The following SIX1 variants were observed in gnomAD, a reference collection of about 807,000 sequenced individuals.
The protein encoded by SIX1 is homeobox protein SIX1.
Under a neutral mutation model 26.5 loss-of-function variants are expected in SIX1, and 11 were observed. The observed-to-expected ratio is 0.41, with a 90% confidence interval of 0.26 to 0.69. The LOEUF (loss-of-function observed/expected upper bound fraction) is 0.69, where lower values mean the gene tolerates loss of function less well. Among genes scored for constraint, SIX1 ranks in the 30% least tolerant of loss-of-function variants. The pLI is 0.28. For missense variants in SIX1, 333 were observed against 365.9 expected (o/e 0.91, Z 0.73); for synonymous variants, 177 against 166.2 (o/e 1.06, Z -0.50).
chr14:60,646,603 TGG>T, intron 1 of SIX1, 26 bp from the exon 2 acceptor site: 1 of 1,225,972 alleles, frequency 8.2e-7, no homozygotes, highest in Non-Finnish European at 1.1e-6. Flanking sequence ...CAACACCATA[TGG>T]TTAAAAAAAA....
At position 60,648,556 on chromosome 14, in the gene SIX1, C is replaced by T; in HGVS notation, c.560+74G>A. On this transcript the variant is annotated intron_variant, in intron 1 of 1. Coordinates refer to ENST00000645694, the MANE Select transcript of SIX1 (RefSeq NM_005982.4). The surrounding 1 kb of genome is among the most constrained non-coding windows in gnomAD (Gnocchi z 7.9). Reference sequence around the variant, plus strand: ...GGGAGGACTTGGTGGCTGGTGCCTGCGGGGGCGGGAGGGGGCGGAGGAGAA... The same window carrying T: ...GGGAGGACTTGGTGGCTGGTGCCTGTGGGGGCGGGAGGGGGCGGAGGAGAA... 1.4e-6 allele frequency: 2 copies of T among 1,452,390 alleles called. No individual in the cohort carries two copies. Among genetic ancestry groups the T allele is most frequent in the African/African-American group, 1.4e-5 (1 of 71,370 alleles). The allele number at this position is 1,452,390 out of a possible 1,614,324, so 90.0% of individuals were successfully genotyped here. A position where few individuals can be genotyped will look rare whatever the true frequency, so the allele number is the denominator to read the frequency against.
At position 60,648,759 on chromosome 14, in the gene SIX1, G is replaced by A. The variant is rs988112453; in HGVS notation, c.431C>T (p.Ala144Val). 9.3e-6 allele frequency: 15 copies of A among 1,614,030 alleles called. No homozygotes were observed. The highest frequency in any genetic ancestry group is 8.5e-7 in the Non-Finnish European group (1 of 1,180,000). Reference protein sequence around the residue: ...KSRGVLREWYAHNPYPSPREK... With the variant: ...KSRGVLREWYVHNPYPSPREK... Reference sequence around the variant, plus strand: ...ACGCGGCGATGGGTAGGGATTGTGCGCGTACCACTCCCGCAGGACACCCCT... The same window carrying A: ...ACGCGGCGATGGGTAGGGATTGTGCACGTACCACTCCCGCAGGACACCCCT... The change falls in exon 1 of 2, where the codon GCG becomes GTG. Residue 144 changes from alanine (A) to valine (V), a missense_variant. Coordinates refer to ENST00000645694, the MANE Select transcript of SIX1 (RefSeq NM_005982.4). The surrounding 1 kb of genome is among the most constrained non-coding windows in gnomAD (Gnocchi z 7.9).
Position 60,649,151 on chromosome 14 carries a change from T to C in SIX1, c.39A>G (p.Gln13=), listed in dbSNP as rs1271365676. ...GCAGAACCTCGCACACGCACGCCAC[T>C]TGCTCCTGCGTAAAGCCAAACGACG... ...MLPSFGFTQE[Q]VACVCEVLQQ... The change falls in exon 1 of 2, where the codon CAA becomes CAG. Residue 13 remains glutamine (Q), a synonymous_variant. Coordinates refer to ENST00000645694, the MANE Select transcript of SIX1 (RefSeq NM_005982.4). This position sits in a 1 kb window ranked among gnomAD's most constrained non-coding sequence, Gnocchi z 5.1. 4 of 1,612,038 alleles carry C rather than the reference T, an allele frequency of 2.5e-6. No individual in the cohort carries two copies. Among genetic ancestry groups the C allele is most frequent in the East Asian group, 2.2e-5 (1 of 44,856 alleles).
rs1181496602 is a variant in SIX1, at chr14:60,645,955, G to T, written c.*328C>A. The T allele has an allele frequency of 1.1e-5, 2 of 177,682 alleles. No individual in the cohort carries two copies. Among genetic ancestry groups the T allele is most frequent in the East Asian group, 2.8e-4 (2 of 7,054 alleles). The allele number at this position is 177,682 out of a possible 1,614,324, so 11.0% of individuals were successfully genotyped here. On this transcript the variant is annotated 3_prime_UTR_variant, in exon 2 of 2. Coordinates refer to ENST00000645694, the MANE Select transcript of SIX1 (RefSeq NM_005982.4). This position sits in a 1 kb window ranked among gnomAD's most constrained non-coding sequence, Gnocchi z 4.6. ...TCATTGAAAAAAAAGAAAGGCTGCTGAAACAGGCGTATCAGTTGCCCAGAA... is the reference window on the plus strand; with the variant it reads ...TCATTGAAAAAAAAGAAAGGCTGCTTAAACAGGCGTATCAGTTGCCCAGAA...
rs146342884 is a variant in SIX1, at chr14:60,647,620, G to C, written c.560+1010C>G. Reference sequence around the variant, plus strand: ...TATCCTGGCTCTGGTTTTCCACCAAGACAAGAAAGGGAGCAAGATCTTCGG... The same window carrying C: ...TATCCTGGCTCTGGTTTTCCACCAACACAAGAAAGGGAGCAAGATCTTCGG... On this transcript the variant is annotated intron_variant, in intron 1 of 1. Coordinates refer to ENST00000645694, the MANE Select transcript of SIX1 (RefSeq NM_005982.4). This position sits in a 1 kb window ranked among gnomAD's most constrained non-coding sequence, Gnocchi z 5.1. Among the ~76,000 whole-genome samples the C allele has an allele frequency of 5.9e-5, 9 of 152,226 alleles. No homozygotes were observed. In the East Asian group the frequency reaches 1.7e-3, roughly 29 times the overall value.
In SIX1 at chr14:60,649,232, G is replaced by A. The variant is rs1895015502; in HGVS notation, c.-43C>T. ...GCGCACGGCCCAGGCGCACGCGGCA[G>A]GGAGCAGAGCCGAGAGGCAGGGGGC... On this transcript the variant is annotated 5_prime_UTR_variant, in exon 1 of 2. Coordinates refer to ENST00000645694, the MANE Select transcript of SIX1 (RefSeq NM_005982.4). This position sits in a 1 kb window ranked among gnomAD's most constrained non-coding sequence, Gnocchi z 5.1. 1.3e-6 allele frequency: 2 copies of A among 1,583,776 alleles called. No homozygotes were observed.
intron 1 of SIX1, 50 bp from the exon 2 acceptor site, chr14:60,646,627 AAAAGT>A: frequency 1.4e-5 from 20 of 1,394,166 alleles, no homozygotes; most frequent in Admixed American, 2.1e-5. Flanking sequence ...AAAAAAAAAA[AAAAGT>A]AGGTTAAAAA....
At position 60,647,988 on chromosome 14, in the gene SIX1, G is replaced by A. The variant is rs948534563; in HGVS notation, c.560+642C>T. Reference sequence around the variant, plus strand: ...TGCCGGGCCACGCGCGAGCGAGCACGGCGAGGATCAACCCTTTCTTAATTT... The same window carrying A: ...TGCCGGGCCACGCGCGAGCGAGCACAGCGAGGATCAACCCTTTCTTAATTT... On this transcript the variant is annotated intron_variant, in intron 1 of 1. Transcript: ENST00000645694. This position sits in a 1 kb window ranked among gnomAD's most constrained non-coding sequence, Gnocchi z 5.1. 6.6e-6 allele frequency among the ~76,000 whole-genome samples: 1 copy of A among 152,208 alleles called. No individual in the cohort carries two copies. Among genetic ancestry groups the A allele is most frequent in the African/African-American group, 2.4e-5 (1 of 41,446 alleles).
chr14:60,648,677 C>G lies in SIX1; in HGVS notation c.513G>C (p.Trp171Cys). 1 of 1,614,150 alleles carries G rather than the reference C, an allele frequency of 6.2e-7. No individual in the cohort carries two copies. ...TGLTTTQVSN[W>C]FKNRRQRDRA... is the part of the protein sequence containing the mutation. ...GGTCTCTTTGCCTCCGGTTCTTAAA[C>G]CAGTTGCTGACCTGGGTGGTGGTGA... The change falls in exon 1 of 2, where the codon TGG (tryptophan) becomes TGC (cysteine). Residue 171 changes from tryptophan (W) to cysteine (C), a missense_variant. Coordinates refer to ENST00000645694, the MANE Select transcript of SIX1 (RefSeq NM_005982.4). This position sits in a 1 kb window ranked among gnomAD's most constrained non-coding sequence, Gnocchi z 7.9.
intron 1 of SIX1, 104 bp from the exon 2 acceptor site, chr14:60,646,681 A>C: frequency 3.9e-5 from 38 of 986,954 alleles, no homozygotes; most frequent in Non-Finnish European, 4.6e-5. Flanking sequence ...GGAAGGAGGA[A>C]AGGGCCATTG....
chr14:60,647,849 G>A lies in SIX1; in HGVS notation c.560+781C>T, dbSNP rs577117240. The stretch of plus-strand genomic sequence containing the variant: ...TGTTGCCCCGAGGTGGGGGAAAGTA[G>A]AGACCAATTTTTAAAATATTGCCTT... On this transcript the variant is annotated intron_variant, in intron 1 of 1. Coordinates refer to ENST00000645694, the MANE Select transcript of SIX1 (RefSeq NM_005982.4). The surrounding 1 kb of genome is among the most constrained non-coding windows in gnomAD (Gnocchi z 5.1). 1.7e-4 allele frequency among the ~76,000 whole-genome samples: 26 copies of A among 152,342 alleles called. No individual in the cohort carries two copies. Among genetic ancestry groups the A allele is most frequent in the Admixed American group, 1.3e-4 (2 of 15,306 alleles).
chr14:60,644,235 C>T lies in SIX1; in HGVS notation c.*2048G>A, dbSNP rs1328211080. ...TGTGAGGAGATTCCCTGTGAGAGCCCCTCCTGCAGAGGGTGGCATTTCTCC... is the reference window on the plus strand; with the variant it reads ...TGTGAGGAGATTCCCTGTGAGAGCCTCTCCTGCAGAGGGTGGCATTTCTCC... On this transcript the variant is annotated 3_prime_UTR_variant, in exon 2 of 2. Coordinates refer to ENST00000645694, the MANE Select transcript of SIX1 (RefSeq NM_005982.4). 1.3e-5 allele frequency: 2 copies of T among 152,100 alleles called. No individual in the cohort carries two copies. Among genetic ancestry groups the T allele is most frequent in the East Asian group, 3.9e-4 (2 of 5,186 alleles). The allele number at this position is 152,100 out of a possible 1,614,324, so 9.4% of individuals were successfully genotyped here.
At position 60,646,167 on chromosome 14, in the gene SIX1, C is replaced by T; in HGVS notation, c.*116G>A. 1.0e-6 allele frequency: 1 copy of T among 991,264 alleles called. No individual in the cohort carries two copies. The highest frequency in any genetic ancestry group is 1.5e-6 in the Non-Finnish European group (1 of 680,050). 61.4% of individuals were successfully genotyped at this position (991,264 alleles called of 1,614,324 possible). ...TGAAAGTCCACCATTCCTTTATGCG[C>T]AAACAACTCCAGAAACAAGCTGCAA... is the stretch of plus-strand genomic sequence containing the variant. On this transcript the variant is annotated 3_prime_UTR_variant, in exon 2 of 2. Transcript: ENST00000645694.
In SIX1 at chr14:60,649,399, C is replaced by T; in HGVS notation, c.-210G>A. On this transcript the variant is annotated 5_prime_UTR_variant, in exon 1 of 2. Transcript: ENST00000645694. This position sits in a 1 kb window ranked among gnomAD's most constrained non-coding sequence, Gnocchi z 5.1. ...AGGGGAGGTTCTGGACACGGAACGG[C>T]CGGCGCACTCAGTAGCCTTTAAGGC... 2 of 576,210 alleles carry T rather than the reference C, an allele frequency of 3.5e-6. No homozygotes were observed. Among genetic ancestry groups the T allele is most frequent in the Middle Eastern group, 4.6e-4 (1 of 2,166 alleles). 35.7% of individuals were successfully genotyped at this position (576,210 alleles called of 1,614,324 possible).
chr14:60,649,347 C>A lies in SIX1; in HGVS notation c.-158G>T, dbSNP rs1421795891. The A allele has an allele frequency of 6.2e-6, 4 of 643,300 alleles. No homozygotes were observed. Among genetic ancestry groups the A allele is most frequent in the Non-Finnish European group, 1.1e-5 (4 of 375,812 alleles). 39.8% of individuals were successfully genotyped at this position (643,300 alleles called of 1,614,324 possible). On this transcript the variant is annotated 5_prime_UTR_variant, in exon 1 of 2. Transcript: ENST00000645694. The surrounding 1 kb of genome is among the most constrained non-coding windows in gnomAD (Gnocchi z 5.1). ...ACCGGAGTCGGAACTTGGCGGTGGG[C>A]GGCCAAGGAAGAGAAGGCGGAGGAG...
chr14:60,648,860 C>A lies in SIX1; in HGVS notation c.330G>T (p.Arg110=). The A allele has an allele frequency of 6.2e-7, 1 of 1,614,234 alleles. No homozygotes were observed. The highest frequency in any genetic ancestry group is 8.5e-7 in the Non-Finnish European group (1 of 1,180,046). Reference sequence around the variant, plus strand: ...GCGGCAGTGGAAATTTTCGGCGCACCCGATATTTGCCCACGGCGCCCAGGG... The same window carrying A: ...GCGGCAGTGGAAATTTTCGGCGCACACGATATTTGCCCACGGCGCCCAGGG... ...GRPLGAVGKY[R]VRRKFPLPRT... The change falls in exon 1 of 2, where the codon CGG becomes CGT. Residue 110 remains arginine, a synonymous_variant. Coordinates refer to ENST00000645694, the MANE Select transcript of SIX1 (RefSeq NM_005982.4). This position sits in a 1 kb window ranked among gnomAD's most constrained non-coding sequence, Gnocchi z 7.9.
rs1346441950 is a variant in SIX1 at position 60,649,416 on chromosome 14, C to T, written c.-227G>A. 3.9e-6 allele frequency: 2 copies of T among 516,496 alleles called. No individual in the cohort carries two copies. Among genetic ancestry groups the T allele is most frequent in the East Asian group, 6.4e-5 (2 of 31,224 alleles). 32.0% of individuals were successfully genotyped at this position (516,496 alleles called of 1,614,324 possible). A position where few individuals can be genotyped will look rare whatever the true frequency, so the allele number is the denominator to read the frequency against. ...CGGAACGGCCGGCGCACTCAGTAGC[C>T]TTTAAGGCCTTGCTGCCTCCGACCT... On this transcript the variant is annotated 5_prime_UTR_variant, in exon 1 of 2. Coordinates refer to ENST00000645694, the MANE Select transcript of SIX1 (RefSeq NM_005982.4). This position sits in a 1 kb window ranked among gnomAD's most constrained non-coding sequence, Gnocchi z 5.1.
At chr14:60,646,662 AGGGG>A in intron 1 of SIX1, 85 bp from the exon 2 acceptor site, 5 of 1,221,848 alleles carry the variant, frequency 4.1e-6, no homozygotes, top group African/African-American at 1.6e-5. Context: ...AGATGGAGGG[AGGGG>A]AGCTGGAAGG....
intron 1 of SIX1, 92 bp from the exon 2 acceptor site, chr14:60,646,669 C>T (rs1894949508): frequency 1.8e-6 from 2 of 1,114,456 alleles, no homozygotes; most frequent in Non-Finnish European, 2.5e-6. Flanking sequence ...GGGAGGGGAG[C>T]TGGAAGGAGG....
Sources: allele counts gnomAD v4.1 joint callset (sites outside exome capture counted in the v4.1 genomes callset), GRCh38; gene constraint gnomAD v4.1.1; non-coding constraint Gnocchi (gnomAD v3.1); transcripts MANE v1.5; gene names NCBI Gene and HGNC (gene_info 2026-07-23, HGNC 2026-07-21).